MS4A18: variants seen among roughly 807,000 people sequenced by gnomAD.
MS4A18 encodes the protein membrane spanning 4-domains A18.
A neutral mutation model predicts 13.1 loss-of-function variants in MS4A18; 27 were observed. The ratio of observed to expected loss-of-function variants is 2.06; its 90% CI spans 1.52 to 2.84. The LOEUF is 2.84. MS4A18 is among the 30% of genes most tolerant of loss of function. The probability of loss-of-function intolerance (pLI) is 0.00; values close to 1 mark genes in which losing one functional copy is unlikely to be tolerated. For missense variants in MS4A18, 307 were observed against 196.4 expected, an observed-to-expected ratio of 1.56 and a Z score of -3.37; for synonymous variants, 126 against 76.5, an observed-to-expected ratio of 1.65 and a Z score of -3.38.
intron 2 of MS4A18, among the ~76,000 whole-genome samples, chr11:60,735,661 C>CTCT (rs1853327594): frequency 4.4e-5 from 4 of 90,106 alleles, no homozygotes; most frequent in African/African-American, 2.0e-4. Context: ...CATTCCCTTG[C>CTCT]TTTTTTTTTT....
exon 6 of MS4A18, chr11:60,743,965 G>T: frequency 2.8e-6 from 2 of 702,958 alleles, no homozygotes; most frequent in African/African-American, 1.7e-5. Context: ...CACCAGCAAT[G>T]TACCCCCGAA....
chr11:60,735,500 A>ATTTTTTTTTTT (rs56136215), intron 2 of MS4A18, among the ~76,000 whole-genome samples: 49 of 110,068 alleles, frequency 4.5e-4, no homozygotes, highest in East Asian at 1.6e-3. Flanking sequence ...TGCCCGGCTA[A>ATTTTTTTTTTT]TTTTTTTTTT....
At chr11:60,734,654 C>T (rs555579871) in intron 2 of MS4A18, among the ~76,000 whole-genome samples, 53 of 152,178 alleles carry the variant, frequency 3.5e-4, no homozygotes, top group South Asian at 6.2e-4. Context: ...ATGGTGATTG[C>T]CAGGGGCTGG....
upstream of MS4A18, among the ~76,000 whole-genome samples, chr11:60,725,240 C>A (rs1445172793): frequency 3.3e-5 from 5 of 152,182 alleles, no homozygotes; most frequent in East Asian, 9.6e-4. Context: ...GTCACCCAGG[C>A]TGGAGTGCAG....
At chr11:60,733,044 G>A (rs1487698686) in intron 1 of MS4A18, among the ~76,000 whole-genome samples, 1 of 152,246 alleles carries the variant, frequency 6.6e-6, no homozygotes, top group Non-Finnish European at 1.5e-5. Context: ...ACAACTATCT[G>A]AGAACGATGT....
intron 1 of MS4A18, among the ~76,000 whole-genome samples, chr11:60,731,942 G>C (rs746964241): frequency 6.6e-6 from 1 of 152,218 alleles, no homozygotes; most frequent in South Asian, 2.1e-4. Flanking sequence ...ATGGGAACAG[G>C]GTTCATTAAT....
chr11:60,742,331 T>C (rs1853423275), intron 5 of MS4A18, among the ~76,000 whole-genome samples: 1 of 152,236 alleles, frequency 6.6e-6, no homozygotes, highest in South Asian at 2.1e-4. Flanking sequence ...AAAGGTCTTT[T>C]TGTAGTTTGA....
intron 1 of MS4A18, among the ~76,000 whole-genome samples, chr11:60,732,601 G>C (rs1338602053): frequency 2.0e-5 from 3 of 151,860 alleles, no homozygotes; most frequent in Non-Finnish European, 4.4e-5. Context: ...CTGGGTGGCA[G>C]GCACATGTAT....
At chr11:60,732,160 AT>A (rs1475020637) in intron 1 of MS4A18, among the ~76,000 whole-genome samples, 1 of 152,102 alleles carries the variant, frequency 6.6e-6, no homozygotes, top group Non-Finnish European at 1.5e-5. Context: ...ATGAGAGGGG[AT>A]TCATCCTGGA....
chr11:60,729,318 G>T, exon 1 of MS4A18: 1 of 701,798 alleles, frequency 1.4e-6, no homozygotes, highest in South Asian at 1.5e-5. Flanking sequence ...TGTACACCAT[G>T]ACCGAACAGG....
chr11:60,725,258 A>G (rs1853133304), upstream of MS4A18, among the ~76,000 whole-genome samples: 2 of 152,024 alleles, frequency 1.3e-5, no homozygotes, highest in African/African-American at 4.8e-5. Context: ...CAGTGGCGCG[A>G]TCTCGGCTCA....
chr11:60,731,408 C>T (rs372258653), intron 1 of MS4A18, among the ~76,000 whole-genome samples: 18 of 152,176 alleles, frequency 1.2e-4, no homozygotes, highest in African/African-American at 3.9e-4. Flanking sequence ...TATCTTTAAT[C>T]AATTACAATT....
At chr11:60,739,863 G>A (rs1853392101) in intron 4 of MS4A18, among the ~76,000 whole-genome samples, 1 of 152,232 alleles carries the variant, frequency 6.6e-6, no homozygotes, top group Non-Finnish European at 1.5e-5. Flanking sequence ...TAGCTCCACA[G>A]TTGGCTGCAA....
upstream of MS4A18, among the ~76,000 whole-genome samples, chr11:60,728,197 T>C (rs1292455795): frequency 1.3e-5 from 2 of 152,220 alleles, no homozygotes; most frequent in African/African-American, 2.4e-5. Flanking sequence ...CCAAGAAGCC[T>C]GGGAAAGACA....
upstream of MS4A18, among the ~76,000 whole-genome samples, chr11:60,727,261 C>T (rs569769597): frequency 4.6e-5 from 7 of 152,286 alleles, no homozygotes; most frequent in South Asian, 1.0e-3. Flanking sequence ...TAACTGTTCC[C>T]TCTGTGCCAG....
At chr11:60,730,618 A>G (rs1264400052) in intron 1 of MS4A18, among the ~76,000 whole-genome samples, 2 of 152,226 alleles carry the variant, frequency 1.3e-5, no homozygotes, top group African/African-American at 2.4e-5. Context: ...GGCTTCTTTG[A>G]GAAGTTACAA....
At chr11:60,725,201 T>G (rs1052469946), upstream of MS4A18, among the ~76,000 whole-genome samples, 2 of 152,166 alleles carry the variant, frequency 1.3e-5, no homozygotes, top group African/African-American at 2.4e-5. Context: ...TTTTTTCTTC[T>G]TCTTCTTTTT....
At chr11:60,743,605 T>C (rs1325432243) in intron 5 of MS4A18, 45 bp from the exon 7 acceptor site, 3 of 686,528 alleles carry the variant, frequency 4.4e-6, no homozygotes, top group Middle Eastern at 2.3e-4. Flanking sequence ...ATTGTTGTTG[T>C]TTACTACAGA....
At chr11:60,738,387 C>T (rs776664509) in intron 3 of MS4A18, among the ~76,000 whole-genome samples, 7 of 152,214 alleles carry the variant, frequency 4.6e-5, no homozygotes, top group Non-Finnish European at 8.8e-5. Context: ...ACTCCCTTCC[C>T]TCAATTCAAG....
Sources: allele counts gnomAD v4.1 joint callset (sites outside exome capture counted in the v4.1 genomes callset), GRCh38; gene constraint gnomAD v4.1.1; transcripts MANE v1.5; gene names NCBI Gene and HGNC (gene_info 2026-07-23, HGNC 2026-07-21).